Variants in CACNA2D3 observed in about 807,000 individuals in gnomAD.
CACNA2D3 encodes the protein calcium voltage-gated channel auxiliary subunit alpha2delta 3.
A neutral mutation model predicts 160.6 loss-of-function variants in CACNA2D3; 60 were observed. The observed-to-expected ratio is 0.37, with a 90% CI of 0.30 to 0.46. The LOEUF is 0.46. CACNA2D3 is among the 20% of genes least tolerant of loss of function. The pLI is 1.00. For synonymous variants in CACNA2D3, 558 were observed against 492.9 expected, an observed-to-expected ratio of 1.13 and a Z score of -1.75; for missense variants, 1,205 against 1,365.0, an observed-to-expected ratio of 0.88 and a Z score of 1.85.
At chr3:54,557,216 G>A (rs6764520) in intron 5 of CACNA2D3, among the ~76,000 whole-genome samples, 110,518 of 152,058 alleles carry the variant, frequency 0.73, 40,461 homozygotes, top group East Asian at 0.78. Context: ...CCCATTTTAG[G>A]TAGATTATAT....
At position 54,752,788 on chromosome 3, in the gene CACNA2D3, T is replaced by C. The variant is rs1323144939; in HGVS notation, c.1246+111T>C. 9.5e-6 allele frequency: 7 copies of C among 733,536 alleles called. No homozygotes were observed. The Admixed American group carries it at 1.6e-4, about 17-fold the overall frequency. The allele number at this position is 733,536 out of a possible 1,614,324, so 45.4% of individuals were successfully genotyped here. ...TAATAATTCTAAGATAAAGTCTGGG[T>C]ATATCTAAGTGATTACTGATAGACT... On this transcript the variant is annotated intron_variant, in intron 12 of 37. Transcript: ENST00000474759.
At chr3:54,746,747 G>T (rs1701759779) in intron 11 of CACNA2D3, among the ~76,000 whole-genome samples, 1 of 152,028 alleles carries the variant, frequency 6.6e-6, no homozygotes, top group East Asian at 1.9e-4. Context: ...GTTTTTTGAG[G>T]CTCATAAGTG....
chr3:54,500,555 T>TCC (rs1553701147), intron 4 of CACNA2D3, among the ~76,000 whole-genome samples: 51 of 148,342 alleles, frequency 3.4e-4, no homozygotes, highest in African/African-American at 1.0e-3. Flanking sequence ...CTTCCTTCCT[T>TCC]TCTCTCTCTT....
intron 2 of CACNA2D3, among the ~76,000 whole-genome samples, chr3:54,205,744 G>A (rs1701265009): frequency 6.6e-6 from 1 of 152,190 alleles, no homozygotes. Context: ...CTGGAATGGG[G>A]TGATGCTGAG....
intron 13 of CACNA2D3, among the ~76,000 whole-genome samples, chr3:54,792,363 G>C (rs1469076040): frequency 6.6e-6 from 1 of 152,232 alleles, no homozygotes; most frequent in Non-Finnish European, 1.5e-5. Context: ...CACTGGAATA[G>C]ATAACTTATA....
At chr3:54,946,456 G>A (rs1701616548) in intron 27 of CACNA2D3, among the ~76,000 whole-genome samples, 1 of 152,182 alleles carries the variant, frequency 6.6e-6, no homozygotes, top group African/African-American at 2.4e-5. Context: ...GTTGGATGAA[G>A]AGAATATAGA....
chr3:55,038,161 G>A (rs768022430), intron 35 of CACNA2D3, among the ~76,000 whole-genome samples: 1 of 152,080 alleles, frequency 6.6e-6, no homozygotes, highest in Admixed American at 6.6e-5. Flanking sequence ...TGTAATAGTC[G>A]GAAAATTTGG....
chr3:55,013,001 A>T (rs1411463297), intron 34 of CACNA2D3, among the ~76,000 whole-genome samples: 1 of 152,086 alleles, frequency 6.6e-6, no homozygotes, highest in Non-Finnish European at 1.5e-5. Flanking sequence ...TGTCTTAAGG[A>T]GCTTTGTAGA....
At chr3:54,846,350 G>A in intron 16 of CACNA2D3, 43 bp from the exon 17 acceptor site, 1 of 1,329,664 alleles carries the variant, frequency 7.5e-7, no homozygotes, top group Non-Finnish European at 1.1e-6. Flanking sequence ...GAATTCACCA[G>A]GGAGCAAGCT....
intron 4 of CACNA2D3, among the ~76,000 whole-genome samples, chr3:54,483,928 G>T (rs1345981597): frequency 3.9e-5 from 6 of 152,194 alleles, no homozygotes; most frequent in African/African-American, 1.4e-4. Context: ...TTAAATTGAA[G>T]TTCTGGAAAG....
At chr3:54,721,031 T>C (rs1315975083) in intron 11 of CACNA2D3, among the ~76,000 whole-genome samples, 3 of 152,036 alleles carry the variant, frequency 2.0e-5, no homozygotes, top group Non-Finnish European at 4.4e-5. Context: ...ATTTCTATTA[T>C]TCAGTTTTGT....
chr3:54,810,578 C>A lies in CACNA2D3; in HGVS notation c.1381-6275C>A, dbSNP rs369578837. 1.8e-4 allele frequency among the ~76,000 whole-genome samples: 28 copies of A among 152,304 alleles called. 1 individual carries two copies. The highest frequency in any genetic ancestry group is 6.7e-4 in the African/African-American group (28 of 41,570). On this transcript the variant is annotated intron_variant, in intron 13 of 37. Transcript: ENST00000474759. ...GATCATTCATTCATGAGGCCCGAGG[C>A]AAAGGGCCAGTTTTACAAATGGAAT...
chr3:54,328,216 T>G (rs907186553), intron 3 of CACNA2D3, among the ~76,000 whole-genome samples: 1 of 152,198 alleles, frequency 6.6e-6, no homozygotes, highest in Non-Finnish European at 1.5e-5. Flanking sequence ...TCCTCTCTAG[T>G]ATTTGACTAT....
intron 5 of CACNA2D3, among the ~76,000 whole-genome samples, chr3:54,538,875 T>A (rs1050791111): frequency 1.3e-5 from 2 of 152,234 alleles, no homozygotes; most frequent in African/African-American, 4.8e-5. Flanking sequence ...TTTGGAAATG[T>A]GGCCCCAGTA....
At chr3:54,526,980 C>G (rs542530059) in intron 5 of CACNA2D3, among the ~76,000 whole-genome samples, 2 of 152,208 alleles carry the variant, frequency 1.3e-5, no homozygotes, top group Admixed American at 1.3e-4. Flanking sequence ...TGTGAGCCAC[C>G]ACGTGGGGCC....
chr3:54,574,650 T>G (rs2106727628), intron 8 of CACNA2D3, among the ~76,000 whole-genome samples: 1 of 152,312 alleles, frequency 6.6e-6, no homozygotes, highest in Middle Eastern at 3.4e-3. Flanking sequence ...AAAGGCATAT[T>G]TTTCTGATTC....
chr3:54,326,876 G>C (rs1704131199), intron 3 of CACNA2D3, among the ~76,000 whole-genome samples: 1 of 152,162 alleles, frequency 6.6e-6, no homozygotes, highest in Non-Finnish European at 1.5e-5. Flanking sequence ...AATGTTTTCT[G>C]TTTTGAGTCA....
chr3:54,567,144 AAGAGAG>A (rs1702421658), intron 6 of CACNA2D3, among the ~76,000 whole-genome samples: 1 of 152,200 alleles, frequency 6.6e-6, no homozygotes. Flanking sequence ...GGAGATTGGC[AAGAGAG>A]ATGGCATCTA....
At chr3:54,476,692 A>G (rs1174900886) in intron 4 of CACNA2D3, among the ~76,000 whole-genome samples, 5 of 152,030 alleles carry the variant, frequency 3.3e-5, no homozygotes, top group Non-Finnish European at 7.4e-5. Context: ...CCTGATGACC[A>G]TTTGTATGTG....
Sources: gnomAD v4.1 joint callset for allele counts (sites outside exome capture counted in the v4.1 genomes callset) on GRCh38, gnomAD v4.1.1 for gene constraint, MANE v1.5 for transcripts, NCBI Gene and HGNC (gene_info 2026-07-23, HGNC 2026-07-21) for gene names.